CNOT4: variants seen among roughly 807,000 people sequenced by gnomAD.
CNOT4 encodes CCR4-associated factor 4.
CNOT4 carries 8 observed loss-of-function variants against 73.8 expected under a neutral mutation model. That is an observed-to-expected ratio of 0.11 (90% CI 0.06 to 0.20). The LOEUF (loss-of-function observed/expected upper bound fraction) is 0.20, where lower values mean the gene tolerates loss of function less well. Ranked by LOEUF, CNOT4 falls within the 10% of genes least tolerant of loss-of-function variation. The pLI, the probability that CNOT4 is intolerant of heterozygous loss-of-function variation, is 1.00. For missense variants in CNOT4, 564 were observed against 883.4 expected (o/e 0.64, Z 4.58); for synonymous variants, 293 against 321.1 (o/e 0.91, Z 0.94).
chr7:135,477,077 C>A (rs1802039351), intron 1 of CNOT4, among the ~76,000 whole-genome samples: 1 of 152,172 alleles, frequency 6.6e-6, no homozygotes, highest in Admixed American at 6.5e-5. Flanking sequence ...TGTTGTGGCT[C>A]ACGCCTGCTT....
At chr7:135,503,950 A>T (rs1804170845) in intron 1 of CNOT4, among the ~76,000 whole-genome samples, 1 of 152,204 alleles carries the variant, frequency 6.6e-6, no homozygotes, top group Non-Finnish European at 1.5e-5. Context: ...GCAGAAAATA[A>T]AGGGGAAAAA....
intron 7 of CNOT4, among the ~76,000 whole-genome samples, chr7:135,402,554 C>G (rs1353267336): frequency 1.3e-5 from 2 of 152,088 alleles, no homozygotes; most frequent in African/African-American, 4.8e-5. Flanking sequence ...CATGAAAATT[C>G]TATTCAATTA....
chr7:135,453,696 AG>A (rs1428522161), intron 1 of CNOT4, among the ~76,000 whole-genome samples: 4 of 148,920 alleles, frequency 2.7e-5, no homozygotes, highest in Non-Finnish European at 4.4e-5. Context: ...AAAACAATCA[AG>A]CTTATGTATG....
chr7:135,400,336 G>A (rs1463113872), intron 7 of CNOT4, among the ~76,000 whole-genome samples: 3 of 152,032 alleles, frequency 2.0e-5, no homozygotes, highest in Non-Finnish European at 4.4e-5. Flanking sequence ...TAATTTGGTG[G>A]CGGAACATAA....
intron 1 of CNOT4, among the ~76,000 whole-genome samples, chr7:135,455,344 C>T (rs1235062873): frequency 6.6e-6 from 1 of 151,344 alleles, no homozygotes; most frequent in Non-Finnish European, 1.5e-5. Flanking sequence ...ACCAATTCAA[C>T]CAACTCAAAG....
chr7:135,410,354 A>AC (rs1311684004), intron 7 of CNOT4, among the ~76,000 whole-genome samples, 161 bp downstream of exon 7: 1 of 152,150 alleles, frequency 6.6e-6, no homozygotes, highest in Admixed American at 6.6e-5. Context: ...GCAAGCATTC[A>AC]AACCCAGAAA....
At chr7:135,448,267 G>A (rs1453773234) in intron 1 of CNOT4, among the ~76,000 whole-genome samples, 2 of 152,162 alleles carry the variant, frequency 1.3e-5, no homozygotes, top group Non-Finnish European at 2.9e-5. Context: ...GGAAAGTGCT[G>A]AGTGTGGTGG....
intron 7 of CNOT4, among the ~76,000 whole-genome samples, chr7:135,407,024 T>A (rs1269743703): frequency 6.6e-6 from 1 of 152,356 alleles, no homozygotes; most frequent in East Asian, 1.9e-4. Context: ...GGACGTCTCA[T>A]GAATGGCTTG....
chr7:135,414,407 GT>G lies in CNOT4; in HGVS notation c.484del (p.Thr162ProfsTer19). ...GAGAGCGTCTTCTGACCGGATATAG[GT>G]TACATAAGCACTGGCACTTGGACCC... ...SQGPSASAYVTYIRSEDALRA... is the reference protein window; with the variant it reads ...SQGPSASAYVXYIRSEDALRA... On this transcript the variant is annotated frameshift_variant, in exon 5 of 12. Transcript: ENST00000541284. LOFTEE classifies it high-confidence loss of function. 1 of 1,544,660 alleles carries G rather than the reference GT, an allele frequency of 6.5e-7. No homozygotes were observed. The highest frequency in any genetic ancestry group is 8.9e-7 in the Non-Finnish European group (1 of 1,119,018).
At chr7:135,475,880 C>A (rs1801960099) in intron 1 of CNOT4, among the ~76,000 whole-genome samples, 1 of 152,100 alleles carries the variant, frequency 6.6e-6, no homozygotes, top group Non-Finnish European at 1.5e-5. Context: ...CACTGCACTC[C>A]AGCCTGGGTG....
intron 2 of CNOT4, among the ~76,000 whole-genome samples, chr7:135,428,208 G>A (rs189286356): frequency 1.2e-3 from 178 of 152,290 alleles, no homozygotes; most frequent in Non-Finnish European, 1.9e-3. Context: ...CAGCCCTAAT[G>A]CCAATGCTTA....
chr7:135,420,342 C>G (rs963731388), intron 3 of CNOT4, among the ~76,000 whole-genome samples: 6 of 151,724 alleles, frequency 4.0e-5, no homozygotes, highest in Admixed American at 6.6e-5. Context: ...TTTGGGAGGC[C>G]AAGGCAGGCA....
intron 1 of CNOT4, among the ~76,000 whole-genome samples, chr7:135,456,936 T>C (rs1455944184): frequency 6.6e-6 from 1 of 151,992 alleles, no homozygotes; most frequent in African/African-American, 2.4e-5. Context: ...CTAGTCTTTA[T>C]TTGCAGATGA....
In CNOT4 at chr7:135,415,296, C is replaced by A. The variant is rs761257864; in HGVS notation, c.373-34G>T. ...GAAGAAGAAATAAGGTATAAACTGT[C>A]CCCATTTTAAACAACTTTATCCTTA... On this transcript the variant is annotated intron_variant, in intron 3 of 11. Coordinates refer to ENST00000541284, the MANE Select transcript of CNOT4 (RefSeq NM_001190850.2). 4.4e-6 allele frequency: 5 copies of A among 1,136,682 alleles called. No individual in the cohort carries two copies. In the African/African-American group the frequency reaches 7.7e-5, roughly 18 times the overall value. The allele number at this position is 1,136,682 out of a possible 1,614,324, so 70.4% of individuals were successfully genotyped here.
At chr7:135,385,010 A>G (rs569011115) in intron 10 of CNOT4, among the ~76,000 whole-genome samples, 18 of 151,412 alleles carry the variant, frequency 1.2e-4, no homozygotes, top group African/African-American at 4.3e-4. Flanking sequence ...ACGCTTTCCA[A>G]TTTCTAATTC....
chr7:135,491,493 G>A (rs1465469392), intron 1 of CNOT4, among the ~76,000 whole-genome samples: 2 of 152,158 alleles, frequency 1.3e-5, no homozygotes, highest in Non-Finnish European at 2.9e-5. Flanking sequence ...TTTGTCAAAC[G>A]TAGATCATCA....
At chr7:135,493,873 T>C (rs960645389) in intron 1 of CNOT4, among the ~76,000 whole-genome samples, 5 of 152,204 alleles carry the variant, frequency 3.3e-5, no homozygotes, top group African/African-American at 9.6e-5. Flanking sequence ...TAAGGTGTTA[T>C]AGAATTTTTT....
chr7:135,384,620 C>A, intron 10 of CNOT4: 1 of 762,640 alleles, frequency 1.3e-6, no homozygotes, highest in Non-Finnish European at 2.4e-6. Context: ...ATGCTCGTCT[C>A]AGGAGCTTAT....
intron 1 of CNOT4, among the ~76,000 whole-genome samples, chr7:135,464,673 A>T (rs577416779): frequency 7.2e-4 from 110 of 152,204 alleles, no homozygotes; most frequent in African/African-American, 1.5e-3. Flanking sequence ...AAAAGTTTTT[A>T]AAAAAACTGT....
Sources: gnomAD v4.1 joint callset for allele counts (sites outside exome capture counted in the v4.1 genomes callset) on GRCh38, gnomAD v4.1.1 for gene constraint, MANE v1.5 for transcripts, NCBI Gene and HGNC (gene_info 2026-07-23, HGNC 2026-07-21) for gene names.